CHRNA7: variants seen among roughly 807,000 people sequenced by gnomAD.
CHRNA7 encodes neuronal acetylcholine receptor subunit alpha-7.
A neutral mutation model predicts 48.0 loss-of-function variants in CHRNA7; 17 were observed. The observed-to-expected ratio is 0.35, with a 90% CI of 0.24 to 0.53. CHRNA7 has a LOEUF of 0.53. Ranked by LOEUF, CHRNA7 falls within the 20% of genes least tolerant of loss-of-function variation. CHRNA7 has a pLI of 0.92. For synonymous variants in CHRNA7, 75 were observed against 242.3 expected (o/e 0.31, Z 6.41); for missense variants, 155 against 577.7 (o/e 0.27, Z 7.50).
intron 2 of CHRNA7, among the ~76,000 whole-genome samples, chr15:32,063,690 A>C (rs1416075062): frequency 6.6e-6 from 1 of 152,096 alleles, no homozygotes; most frequent in East Asian, 1.9e-4. Context: ...TTCTCCAATC[A>C]CTTGGTTGGT....
chr15:32,149,651 T>C lies in CHRNA7; in HGVS notation c.351-4256T>C, dbSNP rs1302979436. Among the ~76,000 whole-genome samples, 1 of 152,214 alleles carries C rather than the reference T, an allele frequency of 6.6e-6. No individual in the cohort carries two copies. Among genetic ancestry groups the C allele is most frequent in the African/African-American group, 2.4e-5 (1 of 41,458 alleles). On this transcript the variant is annotated intron_variant, in intron 4 of 9. Coordinates refer to ENST00000306901, the MANE Select transcript of CHRNA7 (RefSeq NM_000746.6). This position sits in a 1 kb window ranked among gnomAD's most constrained non-coding sequence, Gnocchi z 4.6. Reference sequence around the variant, plus strand: ...AAAACTACCATCATGGGTATTAAGATTTGGATTTTGATAACATTTATGTGT... The same window carrying C: ...AAAACTACCATCATGGGTATTAAGACTTGGATTTTGATAACATTTATGTGT...
intron 2 of CHRNA7, among the ~76,000 whole-genome samples, chr15:32,094,175 A>C (rs2050428565): frequency 6.6e-6 from 1 of 152,218 alleles, no homozygotes; most frequent in African/African-American, 2.4e-5. Context: ...CCTTAGCTTA[A>C]CCCTTTGCCA....
chr15:32,140,961 A>G (rs1398752047), intron 4 of CHRNA7, among the ~76,000 whole-genome samples: 1 of 152,070 alleles, frequency 6.6e-6, no homozygotes, highest in East Asian at 1.9e-4. Context: ...TTTTGTTGCC[A>G]TTGCTTTTGG....
Position 32,170,597 on chromosome 15 carries a change from A to G in CHRNA7, c.*2139A>G, listed in dbSNP as rs1348680962. 1 of 138,610 alleles carries G rather than the reference A, an allele frequency of 7.2e-6. No individual in the cohort carries two copies. Among genetic ancestry groups the G allele is most frequent in the Non-Finnish European group, 1.6e-5 (1 of 62,528 alleles). 8.6% of individuals were successfully genotyped at this position (138,610 alleles called of 1,614,324 possible). On this transcript the variant is annotated 3_prime_UTR_variant, in exon 10 of 10. Transcript: ENST00000306901. ...TTTTATACAGGAACACAAAATGCAAACAAGTTGTGCATATTTTGGACTCTC... is the reference window on the plus strand; with the variant it reads ...TTTTATACAGGAACACAAAATGCAAGCAAGTTGTGCATATTTTGGACTCTC...
intron 2 of CHRNA7, among the ~76,000 whole-genome samples, chr15:32,060,198 T>G (rs2049856608): frequency 6.6e-6 from 1 of 152,124 alleles, no homozygotes; most frequent in Admixed American, 6.6e-5. Context: ...TAACTGAAAC[T>G]TCAGAATTCA....
chr15:32,121,306 C>G (rs2050965922), intron 4 of CHRNA7, among the ~76,000 whole-genome samples: 1 of 152,262 alleles, frequency 6.6e-6, no homozygotes, highest in Non-Finnish European at 1.5e-5. Flanking sequence ...CGCACATTCA[C>G]TGCCCTCGAG....
chr15:32,038,187 T>A (rs2337503), intron 2 of CHRNA7, among the ~76,000 whole-genome samples: 128,372 of 147,554 alleles, frequency 0.87, 56,652 homozygotes, highest in South Asian at 0.95. Context: ...ATAAACATAT[T>A]TTGTATATAT....
rs538481583 is a variant in CHRNA7 at position 32,047,732 on chromosome 15, G to A, written c.195+16695G>A. Among the ~76,000 whole-genome samples, 304 of 152,260 alleles carry A rather than the reference G, an allele frequency of 2.0e-3. 2 individuals are homozygous for A. The highest frequency in any genetic ancestry group is 6.7e-3 in the African/African-American group (280 of 41,552). ...TGTTGAATAGGAGTGGTGAGAGAGG[G>A]CATCCCTGTCTGTGCCAGTTTTCAA... is the stretch of plus-strand genomic sequence containing the variant. On this transcript the variant is annotated intron_variant, in intron 2 of 9. Coordinates refer to ENST00000306901, the MANE Select transcript of CHRNA7 (RefSeq NM_000746.6).
At chr15:32,035,156 C>T (rs534595712) in intron 2 of CHRNA7, among the ~76,000 whole-genome samples, 1 of 152,182 alleles carries the variant, frequency 6.6e-6, no homozygotes, top group South Asian at 2.1e-4. Context: ...TAATTTACTT[C>T]CTGGGCTTGT....
chr15:32,142,967 AATTT>A lies in CHRNA7; in HGVS notation c.351-10935_351-10932del, dbSNP rs1331041356. ...ATTTCTTTCCTTCAGCTAGCTTTTG[AATTT>A]ATTTGCTTTTGCTTCTCTAGTTCTT... On this transcript the variant is annotated intron_variant, in intron 4 of 9. Coordinates refer to ENST00000306901, the MANE Select transcript of CHRNA7 (RefSeq NM_000746.6). 1.8e-4 allele frequency among the ~76,000 whole-genome samples: 27 copies of A among 151,780 alleles called. 1 individual carries two copies. Among genetic ancestry groups the A allele is most frequent in the African/African-American group, 6.3e-4 (26 of 41,270 alleles).
intron 2 of CHRNA7, among the ~76,000 whole-genome samples, chr15:32,041,004 A>G (rs1353958064): frequency 1.3e-5 from 2 of 151,734 alleles, no homozygotes; most frequent in Non-Finnish European, 2.9e-5. Flanking sequence ...GCATGATTTC[A>G]TGTAAGTCAG....
At chr15:32,051,824 G>T (rs1316047847) in intron 2 of CHRNA7, among the ~76,000 whole-genome samples, 1 of 152,148 alleles carries the variant, frequency 6.6e-6, no homozygotes, top group Non-Finnish European at 1.5e-5. Context: ...TTACAGGCAT[G>T]CACCACCATG....
chr15:32,068,232 A>G (rs1182864113), intron 2 of CHRNA7, among the ~76,000 whole-genome samples: 4 of 152,118 alleles, frequency 2.6e-5, no homozygotes, highest in Non-Finnish European at 2.9e-5. Flanking sequence ...GGATTGCTTG[A>G]GTGCATGAGT....
At chr15:32,082,960 C>T (rs954469269) in intron 2 of CHRNA7, among the ~76,000 whole-genome samples, 10 of 152,158 alleles carry the variant, frequency 6.6e-5, no homozygotes, top group Non-Finnish European at 1.3e-4. Context: ...CATGATGAAA[C>T]ACTGTCTCCT....
intron 4 of CHRNA7, among the ~76,000 whole-genome samples, chr15:32,148,942 T>G (rs184416543): frequency 6.6e-6 from 1 of 152,312 alleles, no homozygotes; most frequent in African/African-American, 2.4e-5. Context: ...CTCCTCCTCC[T>G]ACCCCCGCTA....
chr15:32,048,615 A>C (rs559306962), intron 2 of CHRNA7, among the ~76,000 whole-genome samples: 2 of 151,976 alleles, frequency 1.3e-5, no homozygotes, highest in Non-Finnish European at 2.9e-5. Context: ...CCTTTCAAAA[A>C]ACCAGCTCCT....
intron 4 of CHRNA7, among the ~76,000 whole-genome samples, chr15:32,118,535 T>C (rs576503787): frequency 2.6e-5 from 4 of 152,236 alleles, no homozygotes; most frequent in Non-Finnish European, 5.9e-5. Context: ...TTTAAAGCAG[T>C]GAGTGGAGCC....
rs988543992 is a variant in CHRNA7 at position 32,156,060 on chromosome 15, A to G, written c.431-1548A>G. On this transcript the variant is annotated intron_variant, in intron 5 of 9. Coordinates refer to ENST00000306901, the MANE Select transcript of CHRNA7 (RefSeq NM_000746.6). The stretch of plus-strand genomic sequence containing the variant: ...TTTAGTATATTTACAGACTTATGCA[A>G]CCATTACCACAGTCTAGTTTTAGAA... 96 of 87,164 alleles carry G rather than the reference A, an allele frequency of 1.1e-3. 1 individual carries two copies. The highest frequency in any genetic ancestry group is 1.8e-3 in the Non-Finnish European group (75 of 42,530). 5.4% of individuals were successfully genotyped at this position (87,164 alleles called of 1,614,324 possible). A position where few individuals can be genotyped will look rare whatever the true frequency, so the allele number is the denominator to read the frequency against.
At chr15:32,087,145 T>A (rs1375692571) in intron 2 of CHRNA7, among the ~76,000 whole-genome samples, 1 of 152,154 alleles carries the variant, frequency 6.6e-6, no homozygotes, top group Admixed American at 6.5e-5. Context: ...CTTCACCCCA[T>A]TTATTTATTT....
Sources: allele counts gnomAD v4.1 joint callset (sites outside exome capture counted in the v4.1 genomes callset), GRCh38; gene constraint gnomAD v4.1.1; non-coding constraint Gnocchi (gnomAD v3.1); transcripts MANE v1.5; gene names NCBI Gene and HGNC (gene_info 2026-07-23, HGNC 2026-07-21).